The following CACNA1C variants were observed in gnomAD, a reference collection of about 807,000 sequenced individuals.
CACNA1C encodes voltage-dependent L-type calcium channel subunit alpha-1C.
Under a neutral mutation model 229.0 loss-of-function variants are expected in CACNA1C, and 30 were observed. The ratio of observed to expected loss-of-function variants is 0.13; its 90% confidence interval spans 0.10 to 0.18. The LOEUF (loss-of-function observed/expected upper bound fraction) is 0.18, where lower values mean the gene tolerates loss of function less well. Ranked by LOEUF, CACNA1C falls within the 10% of genes least tolerant of loss-of-function variation. The probability of loss-of-function intolerance (pLI) is 1.00; values close to 1 mark genes in which losing one functional copy is unlikely to be tolerated. For missense variants in CACNA1C, 1,658 were observed against 2,845.0 expected (o/e 0.58, Z 9.49); for synonymous variants, 1,114 against 1,132.5 (o/e 0.98, Z 0.33).
intron 3 of CACNA1C, among the ~76,000 whole-genome samples, chr12:2,303,145 C>T (rs965688565): frequency 6.6e-6 from 1 of 152,240 alleles, no homozygotes; most frequent in Non-Finnish European, 1.5e-5. Context: ...AGTATGGACT[C>T]GTGAATGTGG....
At chr12:2,284,104 G>A (rs535777388) in intron 3 of CACNA1C, among the ~76,000 whole-genome samples, 5 of 152,258 alleles carry the variant, frequency 3.3e-5, no homozygotes, top group Middle Eastern at 3.4e-3. Flanking sequence ...ACAGGAACCC[G>A]CCATCCCCCT....
Position 2,651,733 on chromosome 12 carries a change from C to A in CACNA1C, c.4039C>A (p.Arg1347=), listed in dbSNP as rs913646153. ...VKLLSRGEGI[R]TLLWTFIKSF... ...GCTGCTGAGCCGTGGGGAGGGCATC[C>A]GGACGCTGCTGTGGACCTTCATCAA... Residue 1347 remains arginine, a synonymous_variant, in exon 32 of 47, where the codon CGG becomes AGG. Transcript: ENST00000399655. The surrounding 1 kb of genome is among the most constrained non-coding windows in gnomAD (Gnocchi z 5.4). The A allele has an allele frequency of 6.2e-7, 1 of 1,613,346 alleles. No homozygotes were observed. The highest frequency in any genetic ancestry group is 1.1e-5 in the South Asian group (1 of 91,008).
At chr12:2,616,796 C>T (rs769717309) in intron 29 of CACNA1C, among the ~76,000 whole-genome samples, 16 of 152,256 alleles carry the variant, frequency 1.1e-4, no homozygotes, top group African/African-American at 3.6e-4. Flanking sequence ...CCAGACTTGC[C>T]GCCTCATGGC....
At chr12:2,576,418 T>C (rs2058412104) in intron 13 of CACNA1C, among the ~76,000 whole-genome samples, 1 of 152,024 alleles carries the variant, frequency 6.6e-6, no homozygotes, top group African/African-American at 2.4e-5. Flanking sequence ...GATGAGAGAG[T>C]GCTTCATTTT....
intron 3 of CACNA1C, among the ~76,000 whole-genome samples, chr12:2,247,576 C>T (rs750014633): frequency 1.1e-4 from 17 of 152,214 alleles, no homozygotes; most frequent in Non-Finnish European, 2.5e-4. Flanking sequence ...GAGTTTCAGG[C>T]TTCCTGACCT....
rs1161612015 is a variant in CACNA1C at position 2,410,259 on chromosome 12, C to G, written c.478-38717C>G. ...GCAGAATCGACCTCAACGAGCTCGT[C>G]GCCGGGCACCGTTTTAGCAGCCCCA... On this transcript the variant is annotated intron_variant, in intron 3 of 46. Transcript: ENST00000399655. The surrounding 1 kb of genome is among the most constrained non-coding windows in gnomAD (Gnocchi z 5.3). Among the ~76,000 whole-genome samples, 1 of 152,106 alleles carries G rather than the reference C, an allele frequency of 6.6e-6. No homozygotes were observed. Among genetic ancestry groups the G allele is most frequent in the Non-Finnish European group, 1.5e-5 (1 of 68,032 alleles).
chr12:2,054,501 C>T lies in CACNA1C; in HGVS notation c.49+890C>T, dbSNP rs1162655173. Reference sequence around the variant, plus strand: ...CATCTCCATCCTTGGCCGCGAGTGTCACCAGCTCCCCCTGTGATGGTGAAA... The same window carrying T: ...CATCTCCATCCTTGGCCGCGAGTGTTACCAGCTCCCCCTGTGATGGTGAAA... On this transcript the variant is annotated intron_variant, in intron 1 of 46. Coordinates refer to ENST00000399655, the MANE Select transcript of CACNA1C (RefSeq NM_000719.7). The surrounding 1 kb of genome is among the most constrained non-coding windows in gnomAD (Gnocchi z 5.5). Among the ~76,000 whole-genome samples the T allele has an allele frequency of 6.6e-6, 1 of 152,196 alleles. No individual in the cohort carries two copies. Among genetic ancestry groups the T allele is most frequent in the African/African-American group, 2.4e-5 (1 of 41,448 alleles).
In CACNA1C at chr12:2,053,347, G is replaced by A; in HGVS notation, c.-216G>A. The A allele has an allele frequency of 7.5e-7, 1 of 1,325,532 alleles. No individual in the cohort carries two copies. 82.1% of individuals were successfully genotyped at this position (1,325,532 alleles called of 1,614,324 possible). ...ATGCGTTACAGTTTCACTCGAGGAG[G>A]CAGTAGTGGAAAGGAGCAGTTTTTG... On this transcript the variant is annotated 5_prime_UTR_variant, in exon 1 of 47. Coordinates refer to ENST00000399655, the MANE Select transcript of CACNA1C (RefSeq NM_000719.7). This position sits in a 1 kb window ranked among gnomAD's most constrained non-coding sequence, Gnocchi z 5.8.
chr12:2,598,920 C>T (rs1370646239), intron 21 of CACNA1C, among the ~76,000 whole-genome samples: 3 of 152,030 alleles, frequency 2.0e-5, no homozygotes, highest in South Asian at 4.2e-4. Context: ...TCCTGGAGGT[C>T]GGGAGAGGGA....
chr12:2,357,939 C>G (rs931186141), intron 3 of CACNA1C, among the ~76,000 whole-genome samples: 31 of 148,170 alleles, frequency 2.1e-4, no homozygotes, highest in Non-Finnish European at 3.6e-4. Context: ...CCATTGCTCT[C>G]CAGCTGGGCA....
intron 3 of CACNA1C, among the ~76,000 whole-genome samples, chr12:2,360,885 G>A (rs1168716012): frequency 6.6e-6 from 1 of 152,042 alleles, no homozygotes; most frequent in Non-Finnish European, 1.5e-5. Context: ...GAAGGATGAG[G>A]AAAAATATAC....
Position 2,677,272 on chromosome 12 carries a change from T to A in CACNA1C, c.4956+51T>A. 6.3e-7 allele frequency: 1 copy of A among 1,591,608 alleles called. No individual in the cohort carries two copies. The highest frequency in any genetic ancestry group is 8.6e-7 in the Non-Finnish European group (1 of 1,166,760). On this transcript the variant is annotated intron_variant, in intron 40 of 46. Transcript: ENST00000399655. This position sits in a 1 kb window ranked among gnomAD's most constrained non-coding sequence, Gnocchi z 7.4. ...CTCCAGGAAGGTCCTGGTCATTGCC[T>A]CTGACCTCCAGTCAGGGTCCCGGTC...
chr12:2,102,753 G>GC (rs2154105868), intron 1 of CACNA1C, among the ~76,000 whole-genome samples: 1 of 152,170 alleles, frequency 6.6e-6, no homozygotes, highest in East Asian at 1.9e-4. Context: ...TCCCCGAAAG[G>GC]CCCTGGTGTA....
intron 3 of CACNA1C, among the ~76,000 whole-genome samples, chr12:2,324,315 C>T (rs1434688787): frequency 1.3e-5 from 2 of 152,200 alleles, no homozygotes; most frequent in Non-Finnish European, 2.9e-5. Flanking sequence ...GTTCATTTCT[C>T]GATTCATTTT....
intron 1 of CACNA1C, among the ~76,000 whole-genome samples, chr12:2,065,891 G>C (rs1043832897): frequency 6.6e-6 from 1 of 152,166 alleles, no homozygotes; most frequent in Non-Finnish European, 1.5e-5. Flanking sequence ...TTTTGCAGGG[G>C]GAAGAAGTGG....
At chr12:2,609,790 CTG>C (rs778403966) in intron 27 of CACNA1C, among the ~76,000 whole-genome samples, 7 of 151,872 alleles carry the variant, frequency 4.6e-5, no homozygotes, top group Non-Finnish European at 8.8e-5. Flanking sequence ...TCTCAGTGAA[CTG>C]TGTTTTTCCA....
At chr12:2,035,557 C>A in intron 1 of CACNA1C, among the ~76,000 whole-genome samples, 1 of 152,240 alleles carries the variant, frequency 6.6e-6, no homozygotes, top group East Asian at 1.9e-4. Flanking sequence ...TCCCACCCAA[C>A]CTCAACAGAG....
At chr12:2,040,635 CT>C (rs1412771758) in intron 1 of CACNA1C, among the ~76,000 whole-genome samples, 1 of 152,134 alleles carries the variant, frequency 6.6e-6, no homozygotes, top group African/African-American at 2.4e-5. Flanking sequence ...CAACTAGTCT[CT>C]TTTTCCAAAG....
At chr12:2,373,961 G>A (rs575716970) in intron 3 of CACNA1C, among the ~76,000 whole-genome samples, 60 of 152,268 alleles carry the variant, frequency 3.9e-4, no homozygotes, top group African/African-American at 1.3e-3. Context: ...TAGAGCCAGC[G>A]GGGGCCTTAC....
Sources: allele counts gnomAD v4.1 joint callset (sites outside exome capture counted in the v4.1 genomes callset), GRCh38; gene constraint gnomAD v4.1.1; non-coding constraint Gnocchi (gnomAD v3.1); transcripts MANE v1.5; gene names NCBI Gene and HGNC (gene_info 2026-07-23, HGNC 2026-07-21).